Variants in GRIK3 observed in about 807,000 individuals in gnomAD.
GRIK3 encodes glutamate receptor ionotropic, kainate 3.
A neutral mutation model predicts 102.5 loss-of-function variants in GRIK3; 29 were observed. The observed-to-expected ratio is 0.28, with a 90% CI of 0.21 to 0.39. GRIK3 has a LOEUF of 0.39. Ranked by LOEUF, GRIK3 falls within the 10% of genes least tolerant of loss-of-function variation. The probability of loss-of-function intolerance (pLI) is 1.00; values close to 1 mark genes in which losing one functional copy is unlikely to be tolerated. For synonymous variants in GRIK3, 511 were observed against 504.9 expected, an observed-to-expected ratio of 1.01 and a Z score of -0.16; for missense variants, 908 against 1,252.4, an observed-to-expected ratio of 0.73 and a Z score of 4.15.
intron 1 of GRIK3, among the ~76,000 whole-genome samples, chr1:36,913,236 G>A (rs1437460731): frequency 6.6e-6 from 1 of 152,190 alleles, no homozygotes; most frequent in South Asian, 2.1e-4. Context: ...GCAATGCCAG[G>A]ATCAGGGAGA....
chr1:37,003,917 G>A (rs1026916463), intron 1 of GRIK3, among the ~76,000 whole-genome samples: 1 of 152,124 alleles, frequency 6.6e-6, no homozygotes, highest in African/African-American at 2.4e-5. Context: ...CTGCCCCACT[G>A]CAGAAAGAAG....
At chr1:36,962,805 A>G (rs1570829145) in intron 1 of GRIK3, among the ~76,000 whole-genome samples, 1 of 148,486 alleles carries the variant, frequency 6.7e-6, no homozygotes, top group Admixed American at 6.8e-5. Flanking sequence ...GATAGCTTGA[A>G]CCCGGGAGGC....
intron 7 of GRIK3, among the ~76,000 whole-genome samples, chr1:36,854,392 G>A (rs141461945): frequency 8.5e-5 from 13 of 152,300 alleles, no homozygotes; most frequent in Non-Finnish European, 1.5e-4. Flanking sequence ...AACGGTCCCG[G>A]CACAAGATGA....
intron 1 of GRIK3, among the ~76,000 whole-genome samples, chr1:36,944,750 G>A (rs911432557): frequency 6.6e-6 from 1 of 152,130 alleles, no homozygotes; most frequent in African/African-American, 2.4e-5. Context: ...GAGAGATGTG[G>A]GTCTATGTCA....
At chr1:36,859,510 C>T (rs1422941165) in intron 6 of GRIK3, among the ~76,000 whole-genome samples, 2 of 151,126 alleles carry the variant, frequency 1.3e-5, no homozygotes, top group Non-Finnish European at 3.0e-5. Context: ...CCCCTGCTAC[C>T]TAGGCCCTGA....
intron 11 of GRIK3, among the ~76,000 whole-genome samples, chr1:36,820,137 G>A (rs1179200236): frequency 2.0e-5 from 3 of 152,124 alleles, no homozygotes; most frequent in East Asian, 1.9e-4. Flanking sequence ...GCACTCTTAC[G>A]GGAGCATCAA....
rs1640934401 is a variant in GRIK3, at chr1:36,878,651, T to C, written c.550+1983A>G. On this transcript the variant is annotated intron_variant, in intron 3 of 15. Coordinates refer to ENST00000373091, the MANE Select transcript of GRIK3 (RefSeq NM_000831.4). ...AAGAAATGTCTTGGGACTCAAGCCT[T>C]TGGAAAGAAAGAGGAGAAGAAACAG... Among the ~76,000 whole-genome samples the C allele has an allele frequency of 2.0e-5, 3 of 152,152 alleles. No individual in the cohort carries two copies. The South Asian group carries it at 6.2e-4, about 32-fold the overall frequency.
chr1:36,811,544 A>G (rs1215121617), intron 13 of GRIK3, among the ~76,000 whole-genome samples: 1 of 152,234 alleles, frequency 6.6e-6, no homozygotes, highest in East Asian at 1.9e-4. Context: ...CTGCATGCCT[A>G]CTTTGTGCCA....
In GRIK3 at chr1:36,799,732, A is replaced by G. The variant is rs1642418737; in HGVS notation, c.*2119T>C. On this transcript the variant is annotated 3_prime_UTR_variant, in exon 16 of 16. Transcript: ENST00000373091. ...TACATATATGGGGCCTTGCTGCTTC[A>G]CATATTTGTCTCCCTCGTCCCCAAT... 6.6e-6 allele frequency: 1 copy of G among 152,266 alleles called. No homozygotes were observed. Among genetic ancestry groups the G allele is most frequent in the Non-Finnish European group, 1.5e-5 (1 of 68,014 alleles). The allele number at this position is 152,266 out of a possible 1,614,324, so 9.4% of individuals were successfully genotyped here. A position where few individuals can be genotyped will look rare whatever the true frequency, so the allele number is the denominator to read the frequency against.
intron 1 of GRIK3, among the ~76,000 whole-genome samples, chr1:36,950,340 T>G (rs1641831302): frequency 6.6e-6 from 1 of 152,220 alleles, no homozygotes; most frequent in Admixed American, 6.5e-5. Context: ...CATTTATAAA[T>G]GCACCATCCA....
chr1:37,001,035 C>G (rs1304456295), intron 1 of GRIK3, among the ~76,000 whole-genome samples: 1 of 152,236 alleles, frequency 6.6e-6, no homozygotes, highest in Non-Finnish European at 1.5e-5. Context: ...AAGATTTAAG[C>G]AGTCCCTGCT....
intron 1 of GRIK3, among the ~76,000 whole-genome samples, chr1:36,916,657 A>G (rs1426118418): frequency 6.6e-6 from 1 of 152,190 alleles, no homozygotes; most frequent in Non-Finnish European, 1.5e-5. Context: ...AACGGGTGGA[A>G]GCCCCAAGCC....
chr1:36,922,279 C>A (rs1195818792), intron 1 of GRIK3, among the ~76,000 whole-genome samples: 2 of 152,218 alleles, frequency 1.3e-5, no homozygotes, highest in Non-Finnish European at 2.9e-5. Context: ...AGGAGGAGAA[C>A]AATGAGAACC....
At chr1:36,950,367 T>G (rs1369372837) in intron 1 of GRIK3, among the ~76,000 whole-genome samples, 1 of 152,236 alleles carries the variant, frequency 6.6e-6, no homozygotes, top group Non-Finnish European at 1.5e-5. Flanking sequence ...GCACCTTTAG[T>G]ATTTTGGTAG....
intron 1 of GRIK3, among the ~76,000 whole-genome samples, chr1:36,969,925 T>C (rs529094114): frequency 1.3e-5 from 2 of 152,238 alleles, no homozygotes; most frequent in Non-Finnish European, 2.9e-5. Flanking sequence ...ATATGAAAAA[T>C]GGCAATATGA....
intron 1 of GRIK3, among the ~76,000 whole-genome samples, chr1:36,950,789 G>T (rs1052658049): frequency 3.3e-5 from 5 of 152,244 alleles, no homozygotes; most frequent in Non-Finnish European, 7.3e-5. Flanking sequence ...GGCTTTGGAG[G>T]TTCATGATTT....
intron 5 of GRIK3, among the ~76,000 whole-genome samples, chr1:36,867,147 C>T (rs1037353926): frequency 3.3e-5 from 5 of 152,160 alleles, no homozygotes; most frequent in African/African-American, 4.8e-5. Flanking sequence ...GGACACTGGC[C>T]GGGGCTAGTC....
intron 10 of GRIK3, among the ~76,000 whole-genome samples, chr1:36,826,751 G>A (rs1383298914): frequency 3.3e-5 from 5 of 151,976 alleles, no homozygotes; most frequent in Admixed American, 2.0e-4. Flanking sequence ...GTGGTGCGGA[G>A]TGGAAAAGAA....
intron 1 of GRIK3, among the ~76,000 whole-genome samples, chr1:36,954,021 T>A (rs1453634908): frequency 6.6e-6 from 1 of 152,152 alleles, no homozygotes; most frequent in Admixed American, 6.5e-5. Flanking sequence ...TGAGCCAAGC[T>A]CTGATGATGG....
Sources: allele counts gnomAD v4.1 joint callset (sites outside exome capture counted in the v4.1 genomes callset), GRCh38; gene constraint gnomAD v4.1.1; transcripts MANE v1.5; gene names NCBI Gene and HGNC (gene_info 2026-07-23, HGNC 2026-07-21).